The following POC1A variants were observed in gnomAD, a reference collection of about 807,000 sequenced individuals.
The protein encoded by POC1A is POC1 centriolar protein homolog A.
In POC1A, 34 loss-of-function variants were observed where a neutral mutation model predicts 47.8. The observed-to-expected ratio is 0.71, with a 90% CI of 0.54 to 0.95. The LOEUF is 0.95. Among genes scored for constraint, POC1A ranks in the 40% least tolerant of loss-of-function variants. The pLI, the probability that POC1A is intolerant of heterozygous loss-of-function variation, is 0.00. For synonymous variants in POC1A, 177 were observed against 207.6 expected, an observed-to-expected ratio of 0.85 and a Z score of 1.27; for missense variants, 466 against 528.3, an observed-to-expected ratio of 0.88 and a Z score of 1.16.
chr3:52,095,487 T>C (rs936607248), intron 10 of POC1A, among the ~76,000 whole-genome samples: 5 of 152,210 alleles, frequency 3.3e-5, no homozygotes, highest in African/African-American at 1.2e-4. Context: ...GCGTCCTTCA[T>C]GTGAGCTGGA....
At position 52,151,158 on chromosome 3, in the gene POC1A, G is replaced by A. The variant is rs1698542753; in HGVS notation, c.19-58C>T. Reference sequence around the variant, plus strand: ...CTGGGTGAGGAAGGGGCTTCCCCAGGGCCAGCACTCTTCCTACAACAGCCG... The same window carrying A: ...CTGGGTGAGGAAGGGGCTTCCCCAGAGCCAGCACTCTTCCTACAACAGCCG... On this transcript the variant is annotated intron_variant, in intron 1 of 10. Coordinates refer to ENST00000296484, the MANE Select transcript of POC1A (RefSeq NM_015426.5). 5 of 1,608,928 alleles carry A rather than the reference G, an allele frequency of 3.1e-6. No homozygotes were observed. In the East Asian group the frequency reaches 1.1e-4, roughly 36 times the overall value.
intron 10 of POC1A, among the ~76,000 whole-genome samples, chr3:52,083,428 G>C (rs916466890): frequency 9.2e-5 from 14 of 152,074 alleles, no homozygotes; most frequent in Non-Finnish European, 1.9e-4. Context: ...CTCAGGTCTA[G>C]TTACACCCCA....
At chr3:52,114,086 AGCCTC>A (rs1703475321) in intron 9 of POC1A, among the ~76,000 whole-genome samples, 1 of 152,270 alleles carries the variant, frequency 6.6e-6, no homozygotes, top group African/African-American at 2.4e-5. Flanking sequence ...GCTGGGTCCC[AGCCTC>A]TGCTCAGACC....
intron 7 of POC1A, among the ~76,000 whole-genome samples, chr3:52,136,045 G>A (rs1704447909): frequency 1.3e-5 from 2 of 152,070 alleles, no homozygotes; most frequent in Admixed American, 1.3e-4. Context: ...TGGGGAAAGA[G>A]GGTGACCCTG....
rs763018464 is a variant in POC1A at position 52,149,917 on chromosome 3, A to T, written c.174T>A (p.Thr58=). The T allele has an allele frequency of 1.1e-5, 17 of 1,613,844 alleles. No individual in the cohort carries two copies. Among genetic ancestry groups the T allele is most frequent in the African/African-American group, 1.3e-5 (1 of 74,942 alleles). ...CACAGGTGACGGCATCCTTGTGGCC[A>T]GTGAAGCGGTAGGCGCGTGACTGCG... ...MKPQSRAYRF[T]GHKDAVTCVN... is the part of the protein sequence containing the mutation. Residue 58 remains threonine, a synonymous_variant, in exon 3 of 11, where the codon ACT becomes ACA. Transcript: ENST00000296484.
At chr3:52,134,006 C>T (rs1704338852) in intron 7 of POC1A, among the ~76,000 whole-genome samples, 1 of 152,230 alleles carries the variant, frequency 6.6e-6, no homozygotes, top group Admixed American at 6.5e-5. Context: ...CCCCTGCGTC[C>T]AAACCAAAGT....
In POC1A at chr3:52,108,983, G is replaced by A. The variant is rs964307892; in HGVS notation, c.982-12271C>T. ...TCCAGGAAGGAGCGAGGAGCTCACA[G>A]TACCAAACTCTCCTGGAGGACATCA... is the stretch of plus-strand genomic sequence containing the variant. On this transcript the variant is annotated intron_variant, in intron 9 of 10. Coordinates refer to ENST00000296484, the MANE Select transcript of POC1A (RefSeq NM_015426.5). 3.3e-4 allele frequency among the ~76,000 whole-genome samples: 51 copies of A among 152,276 alleles called. 1 individual carries two copies. Among genetic ancestry groups the A allele is most frequent in the African/African-American group, 1.1e-3 (46 of 41,550 alleles).
intron 4 of POC1A, among the ~76,000 whole-genome samples, chr3:52,147,544 C>T (rs1469764197): frequency 6.6e-6 from 1 of 152,044 alleles, no homozygotes; most frequent in African/African-American, 2.4e-5. Flanking sequence ...AGAGATCCTC[C>T]CACCTAAGCC....
intron 1 of POC1A, among the ~76,000 whole-genome samples, chr3:52,152,553 G>C (rs535231404): frequency 7.7e-4 from 117 of 152,198 alleles, no homozygotes; most frequent in Non-Finnish European, 1.3e-3. Context: ...CTGGACGACA[G>C]AGTGAGACTC....
chr3:52,088,718 G>A (rs150322732), intron 10 of POC1A, among the ~76,000 whole-genome samples: 170 of 151,978 alleles, frequency 1.1e-3, no homozygotes, highest in African/African-American at 3.9e-3. Flanking sequence ...CCAGGTCCCC[G>A]AGGAGCAAGA....
At chr3:52,141,374 C>G (rs1698187919) in intron 6 of POC1A, among the ~76,000 whole-genome samples, 1 of 152,246 alleles carries the variant, frequency 6.6e-6, no homozygotes, top group Non-Finnish European at 1.5e-5. Context: ...GGGCCAAGCC[C>G]CATCCCAACA....
At chr3:52,128,908 T>C (rs1416721661) in intron 7 of POC1A, among the ~76,000 whole-genome samples, 1 of 152,214 alleles carries the variant, frequency 6.6e-6, no homozygotes, top group East Asian at 1.9e-4. Context: ...GTATGCAACA[T>C]TTTCAGTCAT....
chr3:52,082,433 A>G (rs1702328990), intron 10 of POC1A, among the ~76,000 whole-genome samples: 1 of 152,210 alleles, frequency 6.6e-6, no homozygotes, highest in Admixed American at 6.5e-5. Context: ...GCTGGCTCTC[A>G]GTAGCTGGAC....
chr3:52,103,394 C>T (rs554927489), intron 9 of POC1A, among the ~76,000 whole-genome samples: 1 of 152,072 alleles, frequency 6.6e-6, no homozygotes, highest in Non-Finnish European at 1.5e-5. Context: ...GGTGTGGTGG[C>T]GGGCACCTGT....
intron 7 of POC1A, among the ~76,000 whole-genome samples, chr3:52,131,132 C>T (rs1704196489): frequency 6.6e-6 from 1 of 152,264 alleles, no homozygotes; most frequent in Middle Eastern, 3.4e-3. Context: ...CACCCACAAC[C>T]CGCCCACCAT....
chr3:52,134,595 GCAC>G (rs1236797156), intron 7 of POC1A, among the ~76,000 whole-genome samples: 3 of 152,184 alleles, frequency 2.0e-5, no homozygotes, highest in Admixed American at 2.0e-4. Context: ...TCGCACCACT[GCAC>G]TCCAGCCTGG....
intron 10 of POC1A, among the ~76,000 whole-genome samples, chr3:52,089,225 G>GC (rs1702564450): frequency 1.3e-5 from 2 of 151,922 alleles, no homozygotes; most frequent in African/African-American, 4.8e-5. Context: ...AGGCTCCCCT[G>GC]TCCCGCCACA....
At chr3:52,145,236 C>T (rs1698324894) in intron 6 of POC1A, among the ~76,000 whole-genome samples, 2 of 152,318 alleles carry the variant, frequency 1.3e-5, no homozygotes, top group East Asian at 1.9e-4. Context: ...AGTCTGCCCT[C>T]GCCCTCCAAC....
intron 7 of POC1A, 76 bp downstream of exon 7, chr3:52,138,093 C>T: frequency 6.6e-7 from 1 of 1,511,112 alleles, no homozygotes; most frequent in Non-Finnish European, 9.2e-7. Context: ...AAGCCTGTTT[C>T]TGCATCTTGC....
Sources: gnomAD v4.1 joint callset for allele counts (sites outside exome capture counted in the v4.1 genomes callset) on GRCh38, gnomAD v4.1.1 for gene constraint, MANE v1.5 for transcripts, NCBI Gene and HGNC (gene_info 2026-07-23, HGNC 2026-07-21) for gene names.